MYCBP2: variants seen among roughly 807,000 people sequenced by gnomAD.
The protein encoded by MYCBP2 is E3 ubiquitin-protein ligase MYCBP2.
A neutral mutation model predicts 525.3 loss-of-function variants in MYCBP2; 120 were observed. The ratio of observed to expected loss-of-function variants is 0.23; its 90% CI spans 0.20 to 0.27. MYCBP2 has a LOEUF of 0.27. Ranked by LOEUF, MYCBP2 falls within the 10% of genes least tolerant of loss-of-function variation. The pLI is 1.00. For missense variants in MYCBP2, 4,149 were observed against 5,657.1 expected (o/e 0.73, Z 8.55); for synonymous variants, 1,894 against 1,955.8 (o/e 0.97, Z 0.83).
At chr13:77,276,816 GTTTTTTTTT>G (rs397851660) in intron 4 of MYCBP2, among the ~76,000 whole-genome samples, 1 of 76,232 alleles carries the variant, frequency 1.3e-5, no homozygotes, top group African/African-American at 5.7e-5. Flanking sequence ...TCCATGCCCA[GTTTTTTTTT>G]TTTTTTTTTT....
At chr13:77,210,613 TA>T (rs1188194877) in intron 23 of MYCBP2, among the ~76,000 whole-genome samples, 2 of 152,178 alleles carry the variant, frequency 1.3e-5, no homozygotes, top group Non-Finnish European at 2.9e-5. Context: ...TCTCTACCAG[TA>T]AGAGTATTTT....
At chr13:77,291,455 G>C (rs1410075389) in intron 2 of MYCBP2, among the ~76,000 whole-genome samples, 1 of 152,186 alleles carries the variant, frequency 6.6e-6, no homozygotes, top group Non-Finnish European at 1.5e-5. Context: ...CTTTGGAAAA[G>C]AGTTTTCTAG....
intron 3 of MYCBP2, among the ~76,000 whole-genome samples, chr13:77,280,435 T>G (rs970334516): frequency 6.6e-6 from 1 of 152,192 alleles, no homozygotes; most frequent in Non-Finnish European, 1.5e-5. Flanking sequence ...AAATGTGAAG[T>G]CAAAGATCTC....
rs111551045 is a variant in MYCBP2, at chr13:77,090,834, T to C, written c.10368-571A>G. ...ATTTACACTCTATAAAAGAACTTAA[T>C]GGTTTTATTCAGGCTTAAGTAAACT... On this transcript the variant is annotated intron_variant, in intron 59 of 82. Transcript: ENST00000544440. Among the ~76,000 whole-genome samples, 75 of 152,266 alleles carry C rather than the reference T, an allele frequency of 4.9e-4. 2 individuals are homozygous for C. Among genetic ancestry groups the C allele is most frequent in the Non-Finnish European group, 1.6e-4 (11 of 68,000 alleles).
chr13:77,154,593 CG>C lies in MYCBP2; in HGVS notation c.6915+1464del, dbSNP rs753778407. ...AATACAACTAAAGAAATATCAGAAG[CG>C]TAACAGTATGAACATGGTATTAGAA... On this transcript the variant is annotated intron_variant, in intron 46 of 82. Transcript: ENST00000544440. Among the ~76,000 whole-genome samples the C allele has an allele frequency of 6.6e-5, 10 of 151,854 alleles. 1 individual carries two copies. Among genetic ancestry groups the C allele is most frequent in the Non-Finnish European group, 2.9e-5 (2 of 67,878 alleles).
intron 1 of MYCBP2, among the ~76,000 whole-genome samples, chr13:77,300,114 G>A (rs2078613222): frequency 6.6e-6 from 1 of 152,186 alleles, no homozygotes; most frequent in Non-Finnish European, 1.5e-5. Flanking sequence ...AGATGAAGGA[G>A]ACTGAGGTTC....
chr13:77,171,168 C>T (rs1026183787), intron 38 of MYCBP2, among the ~76,000 whole-genome samples: 3 of 152,004 alleles, frequency 2.0e-5, no homozygotes, highest in Admixed American at 6.5e-5. Flanking sequence ...CGATACATTA[C>T]TGGAAAAAGA....
Position 77,301,244 on chromosome 13 carries a change from G to A in MYCBP2, c.303-4570C>T, listed in dbSNP as rs1056709072. 7.3e-5 allele frequency among the ~76,000 whole-genome samples: 11 copies of A among 151,626 alleles called. No homozygotes were observed. The South Asian group carries it at 1.3e-3, about 17-fold the overall frequency. Reference sequence around the variant, plus strand: ...AGCTTGGCCAACATGGTGAAACCCCGTCTCTACTAAAAATGCAAAAAATTA... The same window carrying A: ...AGCTTGGCCAACATGGTGAAACCCCATCTCTACTAAAAATGCAAAAAATTA... On this transcript the variant is annotated intron_variant, in intron 1 of 82. Coordinates refer to ENST00000544440, the MANE Select transcript of MYCBP2 (RefSeq NM_015057.5).
intron 60 of MYCBP2, among the ~76,000 whole-genome samples, chr13:77,089,588 G>A (rs1373370320): frequency 6.6e-6 from 1 of 150,716 alleles, no homozygotes; most frequent in African/African-American, 2.4e-5. Context: ...TATTCTTGAG[G>A]TAGAATCCCC....
intron 21 of MYCBP2, among the ~76,000 whole-genome samples, chr13:77,213,593 T>TA (rs1024934570): frequency 1.4e-4 from 21 of 152,216 alleles, no homozygotes; most frequent in Non-Finnish European, 2.2e-4. Flanking sequence ...AATAAATATG[T>TA]ATTCCCTTAC....
intron 61 of MYCBP2, among the ~76,000 whole-genome samples, chr13:77,088,289 C>A (rs1222993350): frequency 6.6e-6 from 1 of 152,032 alleles, no homozygotes; most frequent in Non-Finnish European, 1.5e-5. Flanking sequence ...TGGATGAACA[C>A]AAAGTGTATC....
chr13:77,249,676 T>C (rs1052990792), intron 15 of MYCBP2, among the ~76,000 whole-genome samples: 3 of 152,080 alleles, frequency 2.0e-5, no homozygotes, highest in Admixed American at 6.5e-5. Context: ...ATTACAGACA[T>C]GGGCCACTAC....
intron 3 of MYCBP2, among the ~76,000 whole-genome samples, chr13:77,283,850 A>G (rs867427443): frequency 6.6e-6 from 1 of 152,210 alleles, no homozygotes; most frequent in Non-Finnish European, 1.5e-5. Context: ...GTGAGCTGAG[A>G]TCACGCCACT....
chr13:77,047,680 G>A (rs1267827236), intron 82 of MYCBP2, among the ~76,000 whole-genome samples: 7 of 152,162 alleles, frequency 4.6e-5, no homozygotes, highest in African/African-American at 1.7e-4. Flanking sequence ...CGGCTGCACA[G>A]ACAGAAAAAC....
At chr13:77,096,012 G>A (rs1374274875) in intron 57 of MYCBP2, among the ~76,000 whole-genome samples, 1 of 151,924 alleles carries the variant, frequency 6.6e-6, no homozygotes, top group Non-Finnish European at 1.5e-5. Flanking sequence ...AAGGTGAAAA[G>A]GAAAGCTCTC....
At chr13:77,065,275 C>T (rs1466058154) in intron 72 of MYCBP2, among the ~76,000 whole-genome samples, 1 of 152,192 alleles carries the variant, frequency 6.6e-6, no homozygotes, top group Admixed American at 6.5e-5. Context: ...CTGTTTGCCA[C>T]AGAGGTTGAG....
intron 69 of MYCBP2, among the ~76,000 whole-genome samples, chr13:77,070,134 A>G (rs2040921419): frequency 6.6e-6 from 1 of 152,204 alleles, no homozygotes; most frequent in South Asian, 2.1e-4. Context: ...TAAAAAATCT[A>G]CCCATAACAA....
At chr13:77,267,414 T>A (rs538376934) in intron 8 of MYCBP2, among the ~76,000 whole-genome samples, 13,199 of 148,416 alleles carry the variant, frequency 0.089, 779 homozygotes, top group African/African-American at 0.15. Context: ...AAAATAAAAT[T>A]AAATTAAATT....
chr13:77,180,047 G>A (rs2060074128), intron 34 of MYCBP2, 80 bp downstream of exon 34: 1 of 1,224,974 alleles, frequency 8.2e-7, no homozygotes, highest in Admixed American at 2.5e-5. Flanking sequence ...CTTCCACAAA[G>A]CCAAAATAGT....
Sources: gnomAD v4.1 joint callset for allele counts (sites outside exome capture counted in the v4.1 genomes callset) on GRCh38, gnomAD v4.1.1 for gene constraint, MANE v1.5 for transcripts, NCBI Gene and HGNC (gene_info 2026-07-23, HGNC 2026-07-21) for gene names.